The following C3orf18 variants were observed in gnomAD, a reference collection of about 807,000 sequenced individuals.
The protein encoded by C3orf18 is uncharacterized protein C3orf18.
In C3orf18, 12 loss-of-function variants were observed where a neutral mutation model predicts 14.1. The ratio of observed to expected loss-of-function variants is 0.85; its 90% CI spans 0.55 to 1.38. C3orf18 has a LOEUF of 1.38. Ranked by LOEUF, C3orf18 falls within the 40% of genes most tolerant of loss-of-function variation. The pLI, the probability that C3orf18 is intolerant of heterozygous loss-of-function variation, is 0.00. For synonymous variants in C3orf18, 82 were observed against 87.9 expected, an observed-to-expected ratio of 0.93 and a Z score of 0.38; for missense variants, 196 against 213.9, an observed-to-expected ratio of 0.92 and a Z score of 0.52.
At chr3:50,568,751 A>G (rs1007211139), upstream of C3orf18, among the ~76,000 whole-genome samples, 2 of 152,076 alleles carry the variant, frequency 1.3e-5, no homozygotes, top group African/African-American at 4.8e-5. Flanking sequence ...AAAAAAGAAA[A>G]AAAGAAAAAA....
Position 50,559,032 on chromosome 3 carries a change from G to T in C3orf18, c.*625C>A, listed in dbSNP as rs1462543780. On this transcript the variant is annotated 3_prime_UTR_variant, in exon 6 of 6. Transcript: ENST00000357203. The stretch of plus-strand genomic sequence containing the variant: ...CCTAGCTTGGCCCCAGTAACATCTG[G>T]TTGCCAAGGATGGGTGGCTGGGAGA... 7.8e-7 allele frequency: 1 copy of T among 1,289,760 alleles called. No homozygotes were observed. The highest frequency in any genetic ancestry group is 2.3e-5 in the Admixed American group (1 of 43,568). 79.9% of individuals were successfully genotyped at this position (1,289,760 alleles called of 1,614,324 possible).
intron 4 of C3orf18, 45 bp downstream of exon 4, chr3:50,561,677 T>C (rs752809571): frequency 6.2e-7 from 1 of 1,601,436 alleles, no homozygotes; most frequent in Admixed American, 1.7e-5. Flanking sequence ...GCACTCCCCA[T>C]GGCCTCAAGT....
intron 3 of C3orf18, among the ~76,000 whole-genome samples, chr3:50,564,231 T>C (rs932418233): frequency 2.0e-5 from 3 of 152,236 alleles, no homozygotes; most frequent in African/African-American, 7.2e-5. Flanking sequence ...TTGCCAGGCA[T>C]ACTGGGGAAC....
At chr3:50,572,358 G>A, upstream of C3orf18, 1 of 794,344 alleles carries the variant, frequency 1.3e-6, no homozygotes, top group Non-Finnish European at 2.0e-6. Flanking sequence ...TGACTGTGTT[G>A]GCAGAGCCCA....
intron 3 of C3orf18, 157 bp from the exon 4 acceptor site, chr3:50,561,904 CT>C (rs35405680): frequency 0.088 from 47,845 of 545,526 alleles, no homozygotes; most frequent in South Asian, 0.12. Context: ...CTTCATGCCT[CT>C]TTTTTTTTTT....
chr3:50,558,960 C>A lies in C3orf18; in HGVS notation c.*697G>T. The stretch of plus-strand genomic sequence containing the variant: ...CCTCTCGGCAGGTCTGGGGGGGCTG[C>A]ATCCTTCCACTTCCATTCCCCTACT... On this transcript the variant is annotated 3_prime_UTR_variant, in exon 6 of 6. Transcript: ENST00000357203. The A allele has an allele frequency of 7.8e-7, 1 of 1,287,356 alleles. No homozygotes were observed. Among genetic ancestry groups the A allele is most frequent in the Non-Finnish European group, 1.0e-6 (1 of 987,208 alleles). 79.7% of individuals were successfully genotyped at this position (1,287,356 alleles called of 1,614,324 possible).
intron 3 of C3orf18, chr3:50,562,257 A>G (rs1700023481): frequency 2.9e-6 from 1 of 343,396 alleles, no homozygotes; most frequent in South Asian, 2.1e-5. Flanking sequence ...TGGGGACTCA[A>G]GAGGCTCCCT....
rs779691557 is a variant in C3orf18 at position 50,565,491 on chromosome 3, GT to G, written c.208del (p.Thr70ArgfsTer2). On this transcript the variant is annotated frameshift_variant, in exon 3 of 6. Coordinates refer to ENST00000357203, the MANE Select transcript of C3orf18 (RefSeq NM_016210.5). LOFTEE classifies it high-confidence loss of function. This position sits in a 1 kb window ranked among gnomAD's most constrained non-coding sequence, Gnocchi z 4.4. Reference sequence around the variant, plus strand: ...CAAGGCCACAGCCAGGCCTATCACCGTGATGATCCCAAAGGACAGAAGCATG... The same window carrying G: ...CAAGGCCACAGCCAGGCCTATCACCGGATGATCCCAAAGGACAGAAGCATG... ...GTMLLSFGII[T>X]VIGLAVALVL... 1 of 1,613,942 alleles carries G rather than the reference GT, an allele frequency of 6.2e-7. No individual in the cohort carries two copies. The highest frequency in any genetic ancestry group is 2.2e-5 in the East Asian group (1 of 44,876).
rs540730985 is a variant in C3orf18, at chr3:50,559,168, T to C, written c.*489A>G. 1.6e-6 allele frequency: 2 copies of C among 1,289,930 alleles called. No individual in the cohort carries two copies. Among genetic ancestry groups the C allele is most frequent in the East Asian group, 5.5e-5 (1 of 18,028 alleles). 79.9% of individuals were successfully genotyped at this position (1,289,930 alleles called of 1,614,324 possible). ...CCATCTCTGGGCTTCTCAGGGCCCA[T>C]AACAGATGCTGCCCTACCCTGTCCC... is the stretch of plus-strand genomic sequence containing the variant. On this transcript the variant is annotated 3_prime_UTR_variant, in exon 6 of 6. Coordinates refer to ENST00000357203, the MANE Select transcript of C3orf18 (RefSeq NM_016210.5).
chr3:50,559,960 T>C (rs1342066010), intron 5 of C3orf18, among the ~76,000 whole-genome samples: 7 of 152,190 alleles, frequency 4.6e-5, no homozygotes, highest in African/African-American at 1.7e-4. Context: ...CTGTGTTGAT[T>C]TAATTATGCA....
upstream of C3orf18, chr3:50,571,464 G>T (rs1470828570): frequency 1.1e-5 from 8 of 711,564 alleles, no homozygotes; most frequent in African/African-American, 3.6e-5. Context: ...ACGTCTTAGC[G>T]CCTGGCACAC....
upstream of C3orf18, among the ~76,000 whole-genome samples, chr3:50,574,224 C>T (rs1026087701): frequency 6.6e-6 from 1 of 152,226 alleles, no homozygotes; most frequent in African/African-American, 2.4e-5. Context: ...GTGCCCTGAG[C>T]CTGTGACCAG....
upstream of C3orf18, chr3:50,569,933 T>C (rs1700732813): frequency 6.6e-6 from 1 of 152,026 alleles, no homozygotes; most frequent in African/African-American, 2.4e-5. Context: ...CTGCTTGAAC[T>C]GGGTTCAAGC....
chr3:50,571,653 C>CT, upstream of C3orf18: 1 of 1,509,338 alleles, frequency 6.6e-7, no homozygotes, highest in Non-Finnish European at 9.2e-7. Flanking sequence ...CATAAGACAC[C>CT]TGGGTTGGGG....
chr3:50,560,410 C>T (rs1274731855), intron 5 of C3orf18, among the ~76,000 whole-genome samples: 1 of 152,190 alleles, frequency 6.6e-6, no homozygotes, highest in African/African-American at 2.4e-5. Flanking sequence ...CTTCACATGC[C>T]TGGGTCTGTC....
At chr3:50,563,270 G>A (rs2107282819) in intron 3 of C3orf18, among the ~76,000 whole-genome samples, 1 of 152,018 alleles carries the variant, frequency 6.6e-6, no homozygotes, top group Admixed American at 6.5e-5. Context: ...AGGAACTCTG[G>A]GGTCTTCTGG....
At chr3:50,561,645 A>T in intron 4 of C3orf18, 77 bp downstream of exon 4, 1 of 1,442,138 alleles carries the variant, frequency 6.9e-7, no homozygotes. Flanking sequence ...CTTTTCACCC[A>T]CTTCCTTCGG....
chr3:50,564,280 G>A (rs887034684), intron 3 of C3orf18, among the ~76,000 whole-genome samples: 4 of 152,358 alleles, frequency 2.6e-5, no homozygotes, highest in African/African-American at 2.4e-5. Flanking sequence ...CAGCCTGCAC[G>A]ATCTCCAGTG....
upstream of C3orf18, chr3:50,571,432 C>G (rs542747255): frequency 1.1e-6 from 1 of 906,142 alleles, no homozygotes; most frequent in Non-Finnish European, 1.7e-6. Flanking sequence ...TTAGCTGAGA[C>G]TGATGGGATT....
Sources: allele counts gnomAD v4.1 joint callset (sites outside exome capture counted in the v4.1 genomes callset), GRCh38; gene constraint gnomAD v4.1.1; non-coding constraint Gnocchi (gnomAD v3.1); transcripts MANE v1.5; gene names NCBI Gene and HGNC (gene_info 2026-07-23, HGNC 2026-07-21).